The following SERPINB8 variants were observed in gnomAD, a reference collection of about 807,000 sequenced individuals.
The protein encoded by SERPINB8 is serpin family B member 8.
In SERPINB8, 25 loss-of-function variants were observed where a neutral mutation model predicts 35.3. The observed-to-expected ratio is 0.71, with a 90% CI of 0.52 to 0.99. The LOEUF is 0.99. SERPINB8 is among the 50% of genes least tolerant of loss of function. The probability of loss-of-function intolerance (pLI) is 0.00; values close to 1 mark genes in which losing one functional copy is unlikely to be tolerated. For missense variants in SERPINB8, 484 were observed against 446.5 expected (o/e 1.08, Z -0.76); for synonymous variants, 186 against 160.8 (o/e 1.16, Z -1.19).
At chr18:63,979,055 A>G (rs1178546203) in intron 2 of SERPINB8, among the ~76,000 whole-genome samples, 3 of 152,194 alleles carry the variant, frequency 2.0e-5, no homozygotes, top group African/African-American at 7.2e-5. Flanking sequence ...CTATTGGTGA[A>G]GATGTCCCAG....
At chr18:63,997,580 G>C (rs1464499708) in intron 1 of SERPINB8, among the ~76,000 whole-genome samples, 1 of 152,174 alleles carries the variant, frequency 6.6e-6, no homozygotes, top group Non-Finnish European at 1.5e-5. Context: ...CATACAACCT[G>C]AGATAGATCT....
intron 1 of SERPINB8, among the ~76,000 whole-genome samples, chr18:63,973,874 GT>G (rs1295572214): frequency 2.0e-5 from 3 of 152,220 alleles, no homozygotes; most frequent in African/African-American, 7.2e-5. Flanking sequence ...GTACCATGCT[GT>G]TTTGGTTACT....
chr18:64,012,020 A>G (rs2050928067), intron 7 of SERPINB8, among the ~76,000 whole-genome samples: 2 of 152,176 alleles, frequency 1.3e-5, no homozygotes, highest in Non-Finnish European at 2.9e-5. Context: ...CTGATGGTAC[A>G]ATAAGCAATA....
downstream of SERPINB8, among the ~76,000 whole-genome samples, chr18:64,009,897 T>G (rs1368825482): frequency 2.0e-5 from 3 of 152,166 alleles, no homozygotes; most frequent in Non-Finnish European, 4.4e-5. Context: ...TGTCATATAT[T>G]TGTGACAAAA....
At chr18:63,991,275 A>C (rs529666877), downstream of SERPINB8, among the ~76,000 whole-genome samples, 12 of 152,328 alleles carry the variant, frequency 7.9e-5, no homozygotes, top group African/African-American at 2.6e-4. Flanking sequence ...TTTGATTAGG[A>C]CTGTGTGAAT....
intron 3 of SERPINB8, among the ~76,000 whole-genome samples, chr18:63,980,209 A>G (rs562332621): frequency 4.6e-5 from 7 of 152,232 alleles, no homozygotes; most frequent in Admixed American, 4.6e-4. Context: ...TGACCACATC[A>G]TTCAACACGC....
downstream of SERPINB8, among the ~76,000 whole-genome samples, chr18:63,992,432 G>A (rs2050829361): frequency 6.6e-6 from 1 of 152,130 alleles, no homozygotes; most frequent in South Asian, 2.1e-4. Context: ...TTTAATAGCT[G>A]TAAAATCTGT....
chr18:63,970,917 C>G (rs550918154), intron 1 of SERPINB8, among the ~76,000 whole-genome samples: 1 of 152,308 alleles, frequency 6.6e-6, no homozygotes, highest in African/African-American at 2.4e-5. Context: ...TCTGTTGCAG[C>G]CACCGGCGTT....
intron 1 of SERPINB8, among the ~76,000 whole-genome samples, chr18:63,974,083 A>G (rs2050540215): frequency 6.6e-6 from 1 of 152,190 alleles, no homozygotes; most frequent in South Asian, 2.1e-4. Flanking sequence ...TGGCCTGCCC[A>G]GCTTTTAAAG....
Position 63,987,482 on chromosome 18 carries a change from C to T in SERPINB8, c.*204C>T, listed in dbSNP as rs2050779695. 1.7e-6 allele frequency: 1 copy of T among 589,552 alleles called. No homozygotes were observed. 36.5% of individuals were successfully genotyped at this position (589,552 alleles called of 1,614,324 possible). A position where few individuals can be genotyped will look rare whatever the true frequency, so the allele number is the denominator to read the frequency against. On this transcript the variant is annotated 3_prime_UTR_variant, in exon 7 of 7. Coordinates refer to ENST00000397985, the MANE Select transcript of SERPINB8 (RefSeq NM_002640.4). ...TGCATGAAATTTGGGCCTGGGAAGG[C>T]TATGCTGGTTTTGGAGTGTTTGGGG...
chr18:63,998,778 T>G (rs768180036), intron 1 of SERPINB8, among the ~76,000 whole-genome samples: 4 of 152,208 alleles, frequency 2.6e-5, no homozygotes, highest in Non-Finnish European at 4.4e-5. Flanking sequence ...ATGAACTTGC[T>G]TCTCCATTTA....
In SERPINB8 at chr18:63,970,124, AGCAGCAGCG is replaced by A. The variant is rs1306011440; in HGVS notation, c.-54_-46del. ...GCATCTACAAAGGAGGAATAGTCAA[AGCAGCAGCG>A]GCGGCGGCGGCGGCGGCAGCAGCAG... On this transcript the variant is annotated 5_prime_UTR_variant, in exon 1 of 7. Transcript: ENST00000397985. 3 of 347,714 alleles carry A rather than the reference AGCAGCAGCG, an allele frequency of 8.6e-6. No homozygotes were observed. Among genetic ancestry groups the A allele is most frequent in the African/African-American group, 2.5e-5 (1 of 39,786 alleles). The allele number at this position is 347,714 out of a possible 1,614,324, so 21.5% of individuals were successfully genotyped here.
At position 63,989,145 on chromosome 18, in the gene SERPINB8, C is replaced by T. The variant is rs899045391; in HGVS notation, c.*1867C>T. On this transcript the variant is annotated 3_prime_UTR_variant, in exon 7 of 7. Transcript: ENST00000397985. ...AGAAATTTACATACATGGAACCATA[C>T]ATCATCTATGCTTTGTAGTATGACT... 1 of 152,194 alleles carries T rather than the reference C, an allele frequency of 6.6e-6. No homozygotes were observed. The highest frequency in any genetic ancestry group is 6.5e-5 in the Admixed American group (1 of 15,278). The allele number at this position is 152,194 out of a possible 1,614,324, so 9.4% of individuals were successfully genotyped here.
At position 63,970,148 on chromosome 18, in the gene SERPINB8, GGCAGCA is replaced by G. The variant is rs1555711119; in HGVS notation, c.-19_-14del. On this transcript the variant is annotated 5_prime_UTR_variant, in exon 1 of 7. Transcript: ENST00000397985. ...AAGCAGCAGCGGCGGCGGCGGCGGC[GGCAGCA>G]GCAGCAGCAGCAGGAGGTGGGGGCC... The G allele has an allele frequency of 3.1e-5, 11 of 358,696 alleles. No individual in the cohort carries two copies. The highest frequency in any genetic ancestry group is 4.4e-5 in the Non-Finnish European group (8 of 181,702). 22.2% of individuals were successfully genotyped at this position (358,696 alleles called of 1,614,324 possible).
At chr18:63,991,894 C>A (rs969777494), downstream of SERPINB8, among the ~76,000 whole-genome samples, 2 of 151,988 alleles carry the variant, frequency 1.3e-5, no homozygotes, top group Admixed American at 1.3e-4. Flanking sequence ...CTGTCAAATG[C>A]TTTTTTGTTT....
chr18:64,011,568 G>A (rs891981283), intron 7 of SERPINB8, among the ~76,000 whole-genome samples: 3 of 152,124 alleles, frequency 2.0e-5, no homozygotes, highest in Admixed American at 6.6e-5. Flanking sequence ...CCATACAAGT[G>A]TGTATTTCAT....
In SERPINB8 at chr18:63,970,938, A is replaced by G. The variant is rs567311743; in HGVS notation, c.-11+768A>G. 6.6e-5 allele frequency among the ~76,000 whole-genome samples: 10 copies of G among 152,034 alleles called. No homozygotes were observed. In the South Asian group the frequency reaches 2.1e-3, roughly 32 times the overall value. Reference sequence around the variant, plus strand: ...GCAGCCACCGGCGTTACTTTAACCAATTCCTCACTTTCCAGACACTCTCAG... The same window carrying G: ...GCAGCCACCGGCGTTACTTTAACCAGTTCCTCACTTTCCAGACACTCTCAG... On this transcript the variant is annotated intron_variant, in intron 1 of 6. Transcript: ENST00000397985.
chr18:63,985,304 T>G, intron 6 of SERPINB8, 59 bp downstream of exon 6: 1 of 1,581,450 alleles, frequency 6.3e-7, no homozygotes, highest in Non-Finnish European at 8.6e-7. Flanking sequence ...CATTTCTTTA[T>G]GTTCATCTAC....
At chr18:63,986,333 C>T in intron 6 of SERPINB8, 2 of 1,601,552 alleles carry the variant, frequency 1.2e-6, no homozygotes, top group Non-Finnish European at 1.7e-6. Context: ...CTGATGAAGT[C>T]TTCTTGCATT....
Sources: gnomAD v4.1 joint callset for allele counts (sites outside exome capture counted in the v4.1 genomes callset) on GRCh38, gnomAD v4.1.1 for gene constraint, MANE v1.5 for transcripts, NCBI Gene and HGNC (gene_info 2026-07-23, HGNC 2026-07-21) for gene names.